The following JAK1 variants were observed in gnomAD, a reference collection of about 807,000 sequenced individuals.
The protein encoded by JAK1 is tyrosine-protein kinase JAK1.
In JAK1, 16 loss-of-function variants were observed where a neutral mutation model predicts 136.6. That is an observed-to-expected ratio of 0.12 (90% CI 0.08 to 0.18). The LOEUF is 0.18. Among genes scored for constraint, JAK1 ranks in the 10% least tolerant of loss-of-function variants. JAK1 has a pLI of 1.00. For missense variants in JAK1, 859 were observed against 1,450.1 expected (o/e 0.59, Z 6.62); for synonymous variants, 492 against 519.5 (o/e 0.95, Z 0.72).
intron 2 of JAK1, chr1:64,987,455 C>T (rs1646610631): frequency 6.6e-6 from 1 of 152,238 alleles, no homozygotes; most frequent in South Asian, 2.1e-4. Context: ...TTAAAACAGT[C>T]ATTGCTTCAC....
intron 1 of JAK1, among the ~76,000 whole-genome samples, chr1:64,919,017 C>G (rs1645448350): frequency 6.6e-6 from 1 of 151,232 alleles, no homozygotes; most frequent in South Asian, 2.1e-4. Flanking sequence ...CTCCTTTTAC[C>G]TTTTTTTTTA....
At chr1:65,030,793 A>C (rs1647016019) in intron 2 of JAK1, among the ~76,000 whole-genome samples, 1 of 152,072 alleles carries the variant, frequency 6.6e-6, no homozygotes, top group South Asian at 2.1e-4. Flanking sequence ...CTGCCTCCCA[A>C]AGTGCTGGGA....
intron 6 of JAK1, 27 bp from the exon 7 acceptor site, chr1:64,867,235 C>G (rs371951201): frequency 1.3e-6 from 2 of 1,485,178 alleles, no homozygotes; most frequent in Non-Finnish European, 1.8e-6. Context: ...AAGTACATCT[C>G]CTTTTCATGT....
intron 1 of JAK1, among the ~76,000 whole-genome samples, chr1:64,897,981 A>G (rs1645049374): frequency 6.6e-6 from 1 of 152,212 alleles, no homozygotes; most frequent in South Asian, 2.1e-4. Context: ...TTAACTGAGC[A>G]AACAGTTCAA....
chr1:64,938,146 G>A (rs1645824215), intron 1 of JAK1, among the ~76,000 whole-genome samples: 1 of 151,508 alleles, frequency 6.6e-6, no homozygotes, highest in South Asian at 2.1e-4. Context: ...TCCCAAAGGA[G>A]AATGTCAAAG....
intron 1 of JAK1, among the ~76,000 whole-genome samples, chr1:65,064,102 A>G (rs1207889179): frequency 6.6e-6 from 1 of 152,190 alleles, no homozygotes; most frequent in Non-Finnish European, 1.5e-5. Context: ...CCCAATTCTA[A>G]ATTTTCATCA....
At chr1:64,892,711 G>A (rs1252464033) in intron 1 of JAK1, among the ~76,000 whole-genome samples, 1 of 152,102 alleles carries the variant, frequency 6.6e-6, no homozygotes, top group Admixed American at 6.5e-5. Flanking sequence ...AACCACATTC[G>A]AGTTTCACAG....
chr1:65,056,189 CATA>C (rs1647527750), intron 1 of JAK1, among the ~76,000 whole-genome samples: 3 of 152,328 alleles, frequency 2.0e-5, no homozygotes, highest in South Asian at 4.1e-4. Flanking sequence ...GGAGTGGTAG[CATA>C]ATAACTGGGG....
At chr1:64,949,330 T>C (rs921850399) in intron 1 of JAK1, among the ~76,000 whole-genome samples, 11 of 152,220 alleles carry the variant, frequency 7.2e-5, no homozygotes, top group African/African-American at 2.7e-4. Context: ...GATTTTAACC[T>C]GACTGATGTA....
Position 64,849,348 on chromosome 1 carries a change from C to A in JAK1, c.1755+1456G>T, listed in dbSNP as rs758842833. ...GGGACTACAGCTGCTTACCACTACA[C>A]GCAGCTCATTTTTTCATTTGTATTT... On this transcript the variant is annotated intron_variant, in intron 12 of 24. Transcript: ENST00000342505. Among the ~76,000 whole-genome samples the A allele has an allele frequency of 7.9e-4, 120 of 152,210 alleles. 1 individual carries two copies. Among genetic ancestry groups the A allele is most frequent in the Non-Finnish European group, 8.8e-5 (6 of 68,040 alleles).
At chr1:65,021,311 C>T (rs568645627) in intron 2 of JAK1, among the ~76,000 whole-genome samples, 2 of 152,330 alleles carry the variant, frequency 1.3e-5, no homozygotes, top group South Asian at 4.1e-4. Context: ...TAAATTATAG[C>T]TGTTATAATC....
At chr1:64,949,004 G>GTCA (rs1430436129) in intron 1 of JAK1, among the ~76,000 whole-genome samples, 1 of 152,146 alleles carries the variant, frequency 6.6e-6, no homozygotes, top group African/African-American at 2.4e-5. Flanking sequence ...AACAAAAACG[G>GTCA]TCAGAAGGGC....
chr1:64,844,895 G>C lies in JAK1; in HGVS notation c.2116-6C>G, dbSNP rs1265596535. 1.2e-6 allele frequency: 2 copies of C among 1,614,200 alleles called. No homozygotes were observed. The highest frequency in any genetic ancestry group is 1.7e-6 in the Non-Finnish European group (2 of 1,180,046). On this transcript the variant is annotated splice_region_variant and splice_polypyrimidine_tract_variant and intron_variant, in intron 15 of 24. Transcript: ENST00000342505. This position sits in a 1 kb window ranked among gnomAD's most constrained non-coding sequence, Gnocchi z 5.7. ...TGGACCAGGTCTTTATCCTCCTGCAGAGTAAAAAGGTCAAGTTTAGCCAAG... is the reference window on the plus strand; with the variant it reads ...TGGACCAGGTCTTTATCCTCCTGCACAGTAAAAAGGTCAAGTTTAGCCAAG...
chr1:65,062,461 G>A (rs974078318), intron 1 of JAK1, among the ~76,000 whole-genome samples: 3 of 152,154 alleles, frequency 2.0e-5, no homozygotes, highest in African/African-American at 7.2e-5. Context: ...CTGGGTCTCA[G>A]ATTTTCAAAT....
At chr1:64,911,879 C>A (rs1298671908) in intron 1 of JAK1, among the ~76,000 whole-genome samples, 6 of 152,190 alleles carry the variant, frequency 3.9e-5, no homozygotes, top group Non-Finnish European at 8.8e-5. Context: ...TAAATATAGG[C>A]AAGGATCCTA....
rs1244529592 is a variant in JAK1, at chr1:64,988,982, A to ATGTGTG, written c.-78+55492_-78+55497dup. On this transcript the variant is annotated intron_variant, in intron 2 of 25. Transcript: ENST00000671954. Reference sequence around the variant, plus strand: ...TGTATGTATGTATATATATATGTATATGTGTGTGTGTGTGTGTGTGTATAT... The same window carrying ATGTGTG: ...TGTATGTATGTATATATATATGTATATGTGTGTGTGTGTGTGTGTGTGTGTGTATAT... 1.5e-4 allele frequency among the ~76,000 whole-genome samples: 19 copies of ATGTGTG among 128,584 alleles called. 3 individuals are homozygous for ATGTGTG. The highest frequency in any genetic ancestry group is 4.2e-4 in the Admixed American group (5 of 11,772). 84.4% of individuals were successfully genotyped at this position (128,584 alleles called of 152,430 possible).
chr1:65,021,074 T>C (rs1356487085), intron 2 of JAK1, among the ~76,000 whole-genome samples: 1 of 152,192 alleles, frequency 6.6e-6, no homozygotes, highest in African/African-American at 2.4e-5. Context: ...CTGTCTGTGC[T>C]CCTTGTTGGT....
intron 2 of JAK1, among the ~76,000 whole-genome samples, chr1:65,026,026 A>T (rs1403382568): frequency 2.6e-5 from 4 of 152,152 alleles, no homozygotes; most frequent in Non-Finnish European, 5.9e-5. Context: ...TCAAATTATC[A>T]TTCCAGCATC....
At chr1:64,924,515 C>T (rs1276526490) in intron 1 of JAK1, among the ~76,000 whole-genome samples, 1 of 152,158 alleles carries the variant, frequency 6.6e-6, no homozygotes, top group African/African-American at 2.4e-5. Context: ...CAACAAGGGT[C>T]CACTGCCCCA....
Sources: gnomAD v4.1 joint callset for allele counts (sites outside exome capture counted in the v4.1 genomes callset) on GRCh38, gnomAD v4.1.1 for gene constraint, Gnocchi (gnomAD v3.1) non-coding constraint, MANE v1.5 for transcripts, NCBI Gene and HGNC (gene_info 2026-07-23, HGNC 2026-07-21) for gene names.